The following HSPA14 variants were observed in gnomAD, a reference collection of about 807,000 sequenced individuals.
HSPA14 encodes the protein heat shock 70 kDa protein 14.
A neutral mutation model predicts 65.5 loss-of-function variants in HSPA14; 37 were observed. That is an observed-to-expected ratio of 0.56 (90% confidence interval 0.43 to 0.74). The LOEUF (loss-of-function observed/expected upper bound fraction) is 0.74, where lower values mean the gene tolerates loss of function less well. Ranked by LOEUF, HSPA14 falls within the 30% of genes least tolerant of loss-of-function variation. HSPA14 has a pLI of 0.00. For synonymous variants in HSPA14, 203 were observed against 214.2 expected (o/e 0.95, Z 0.46); for missense variants, 564 against 607.6 (o/e 0.93, Z 0.75).
At chr10:14,853,545 A>G (rs1834123471) in intron 8 of HSPA14, among the ~76,000 whole-genome samples, 1 of 152,216 alleles carries the variant, frequency 6.6e-6, no homozygotes, top group Admixed American at 6.5e-5. Flanking sequence ...TTACAATTAT[A>G]TAATGCAGCA....
intron 3 of HSPA14, chr10:14,843,470 C>G (rs1244845862): frequency 6.4e-7 from 1 of 1,550,594 alleles, no homozygotes; most frequent in Non-Finnish European, 8.7e-7. Context: ...CTGGGTGTGT[C>G]CGGGGAGCCC....
chr10:14,852,553 A>G lies in HSPA14; in HGVS notation c.734+22A>G, dbSNP rs146374659. ...AAAGGTGAGTGTTAATGGCCTGAAT[A>G]ATACCTTCTGATTGAGGTTTTCCTT... On this transcript the variant is annotated intron_variant, in intron 8 of 13. Coordinates refer to ENST00000378372, the MANE Select transcript of HSPA14 (RefSeq NM_016299.4). 5.0e-4 allele frequency: 763 copies of G among 1,541,146 alleles called. 1 individual carries two copies. Among genetic ancestry groups the G allele is most frequent in the Admixed American group, 5.2e-4 (26 of 50,122 alleles).
intron 10 of HSPA14, among the ~76,000 whole-genome samples, chr10:14,865,256 C>A (rs943405587): frequency 6.6e-5 from 10 of 152,000 alleles, no homozygotes; most frequent in African/African-American, 2.2e-4. Context: ...CAAAAATTTT[C>A]TCCCATTCTG....
chr10:14,838,566 G>A, intron 1 of HSPA14, 107 bp downstream of exon 1: 1 of 1,103,664 alleles, frequency 9.1e-7, no homozygotes, highest in Non-Finnish European at 1.3e-6. Flanking sequence ...TAGGGATGTC[G>A]TGGAGTGGCG....
chr10:14,860,046 ATT>A (rs1449497087), intron 10 of HSPA14, among the ~76,000 whole-genome samples: 5 of 152,088 alleles, frequency 3.3e-5, no homozygotes, highest in African/African-American at 1.2e-4. Context: ...TTTTCTTAAT[ATT>A]TACTGTTAAA....
chr10:14,842,341 T>G lies in HSPA14; in HGVS notation c.221+2184T>G, dbSNP rs1312179608. On this transcript the variant is annotated intron_variant, in intron 3 of 13. Coordinates refer to ENST00000378372, the MANE Select transcript of HSPA14 (RefSeq NM_016299.4). This position sits in a 1 kb window ranked among gnomAD's most constrained non-coding sequence, Gnocchi z 5.2. ...GGTGGTCCAGACAGGAGACACGAAC[T>G]CTTCTCTCCATACTAGGCGAGGCAG... The G allele has an allele frequency of 1.3e-6, 2 of 1,536,082 alleles. No individual in the cohort carries two copies. Among genetic ancestry groups the G allele is most frequent in the Non-Finnish European group, 1.7e-6 (2 of 1,146,892 alleles).
rs1295653434 is a variant in HSPA14 at position 14,854,177 on chromosome 10, A to G, written c.787A>G (p.Asn263Asp). 1 of 1,612,176 alleles carries G rather than the reference A, an allele frequency of 6.2e-7. No homozygotes were observed. Among genetic ancestry groups the G allele is most frequent in the Middle Eastern group, 1.7e-4 (1 of 6,056 alleles). The change falls in exon 9 of 14, where the codon AAC becomes GAC. Residue 263 changes from asparagine to aspartate, a missense_variant. Asn to Asp is a conservative substitution (Grantham distance 23). Coordinates refer to ENST00000378372, the MANE Select transcript of HSPA14 (RefSeq NM_016299.4). ...GNARAMMKLT[N>D]SAEVAKHSLS... is the part of the protein sequence containing the mutation. ...TGCGCGAGCCATGATGAAATTAACGAACAGTGCTGAAGTAGCGAAACATTC... is the reference window on the plus strand; with the variant it reads ...TGCGCGAGCCATGATGAAATTAACGGACAGTGCTGAAGTAGCGAAACATTC...
At chr10:14,848,524 T>C (rs539837408) in intron 3 of HSPA14, 85 bp from the exon 4 acceptor site, 18 of 915,100 alleles carry the variant, frequency 2.0e-5, no homozygotes, top group Non-Finnish European at 3.1e-5. Flanking sequence ...TTCAGTGATA[T>C]TGTGAAATAC....
chr10:14,838,707 T>G (rs1833926327), intron 1 of HSPA14: 3 of 468,106 alleles, frequency 6.4e-6, no homozygotes, highest in South Asian at 3.3e-5. Context: ...CAGGGCGTCA[T>G]GGCGGCGGGA....
At chr10:14,867,316 C>T in intron 11 of HSPA14, 21 bp downstream of exon 11, 1 of 1,512,894 alleles carries the variant, frequency 6.6e-7, no homozygotes, top group Non-Finnish European at 9.2e-7. Flanking sequence ...CTTTTGTATA[C>T]TAGTTAAGGT....
chr10:14,843,976 T>C, intron 3 of HSPA14: 1 of 1,491,754 alleles, frequency 6.7e-7, no homozygotes, highest in Non-Finnish European at 8.8e-7. Flanking sequence ...TGGCTCCTTT[T>C]CTGTGTCCTC....
intron 3 of HSPA14, chr10:14,846,042 A>G (rs1360783570): frequency 7.2e-6 from 7 of 968,498 alleles, no homozygotes; most frequent in Non-Finnish European, 7.4e-6. Flanking sequence ...TACTGGTAAC[A>G]ATTTTAAGGT....
At chr10:14,848,743 T>C in intron 4 of HSPA14, 47 bp from the exon 5 acceptor site, 1 of 1,455,748 alleles carries the variant, frequency 6.9e-7, no homozygotes, top group Non-Finnish European at 9.5e-7. Context: ...AACTTTGCAT[T>C]TTTATTAAAA....
chr10:14,841,802 G>C (rs1833974861), intron 3 of HSPA14, among the ~76,000 whole-genome samples: 1 of 152,214 alleles, frequency 6.6e-6, no homozygotes, highest in Non-Finnish European at 1.5e-5. Flanking sequence ...CTTTCAGATT[G>C]CTATACCGTG....
rs2131649814 is a variant in HSPA14, at chr10:14,867,215, G to A, written c.1126G>A (p.Gly376Arg). The A allele has an allele frequency of 6.2e-7, 1 of 1,613,742 alleles. No individual in the cohort carries two copies. Among genetic ancestry groups the A allele is most frequent in the South Asian group, 1.1e-5 (1 of 91,072 alleles). ...VIPIGAAIEA[G>R]ILIGKENLLV... The stretch of plus-strand genomic sequence containing the variant: ...CCCTATTGGTGCAGCTATAGAAGCA[G>A]GAATTCTTATTGGGAAAGAAAACCT... Residue 376 changes from glycine (G) to arginine (R), a missense_variant, in exon 11 of 14, where the codon GGA becomes AGA. Physicochemically the swap from Gly to Arg is moderately radical, Grantham distance 125 (BLOSUM62 -2). Coordinates refer to ENST00000378372, the MANE Select transcript of HSPA14 (RefSeq NM_016299.4).
chr10:14,843,612 G>A (rs1834004537), intron 3 of HSPA14: 3 of 1,550,492 alleles, frequency 1.9e-6, no homozygotes, highest in African/African-American at 1.4e-5. Context: ...CTCCAAGGTG[G>A]GCAAGGCGAA....
chr10:14,846,946 G>T, intron 3 of HSPA14: 2 of 985,384 alleles, frequency 2.0e-6, no homozygotes, highest in Non-Finnish European at 2.4e-6. Context: ...CACCACCTTT[G>T]TTTTTCTGTT....
chr10:14,839,832 G>A, intron 1 of HSPA14, 73 bp from the exon 2 acceptor site: 5 of 1,085,476 alleles, frequency 4.6e-6, no homozygotes, highest in Non-Finnish European at 6.7e-6. Context: ...AGATGGCAAA[G>A]TAACACTGGT....
At position 14,849,716 on chromosome 10, in the gene HSPA14, T is replaced by C. The variant is rs545683636; in HGVS notation, c.377-5T>C. On this transcript the variant is annotated splice_polypyrimidine_tract_variant and splice_region_variant and intron_variant, in intron 5 of 13. Transcript: ENST00000378372. ...CATCAGAATTTTATATTTTTTAATATGCAGAAACGGCACATTCTGTATTGG... is the reference window on the plus strand; with the variant it reads ...CATCAGAATTTTATATTTTTTAATACGCAGAAACGGCACATTCTGTATTGG... 2 of 1,583,648 alleles carry C rather than the reference T, an allele frequency of 1.3e-6. No homozygotes were observed. The highest frequency in any genetic ancestry group is 1.7e-6 in the Non-Finnish European group (2 of 1,163,004).
Sources: gnomAD v4.1 joint callset for allele counts (sites outside exome capture counted in the v4.1 genomes callset) on GRCh38, gnomAD v4.1.1 for gene constraint, Gnocchi (gnomAD v3.1) non-coding constraint, MANE v1.5 for transcripts, NCBI Gene and HGNC (gene_info 2026-07-23, HGNC 2026-07-21) for gene names.